The following DIP2C variants were observed in gnomAD, a reference collection of about 807,000 sequenced individuals.
DIP2C encodes disco-interacting protein 2 homolog C.
In DIP2C, 33 loss-of-function variants were observed where a neutral mutation model predicts 192.4. The observed-to-expected ratio is 0.17, with a 90% CI of 0.13 to 0.23. The LOEUF (loss-of-function observed/expected upper bound fraction) is 0.23, where lower values mean the gene tolerates loss of function less well. Among genes scored for constraint, DIP2C ranks in the 10% least tolerant of loss-of-function variants. The pLI is 1.00. For missense variants in DIP2C, 1,537 were observed against 2,110.1 expected (o/e 0.73, Z 5.32); for synonymous variants, 979 against 864.1 (o/e 1.13, Z -2.33).
chr10:314,983 TCTTTA>T (rs1246293251), intron 31 of DIP2C, among the ~76,000 whole-genome samples: 1 of 152,234 alleles, frequency 6.6e-6, no homozygotes, highest in African/African-American at 2.4e-5. Context: ...TGCTGTTGGT[TCTTTA>T]CTTGTCCCTT....
At chr10:387,321 G>A (rs1963040139) in intron 14 of DIP2C, among the ~76,000 whole-genome samples, 2 of 152,202 alleles carry the variant, frequency 1.3e-5, no homozygotes, top group Admixed American at 1.3e-4. Flanking sequence ...CCACGTTAGT[G>A]GACAACCTCG....
At chr10:573,038 C>T (rs1001146365) in intron 1 of DIP2C, among the ~76,000 whole-genome samples, 64 of 152,046 alleles carry the variant, frequency 4.2e-4, no homozygotes, top group African/African-American at 1.2e-3. Context: ...GCATCATCCA[C>T]CCACGAATGA....
chr10:311,634 C>T (rs1956571026), intron 31 of DIP2C: 1 of 1,195,872 alleles, frequency 8.4e-7, no homozygotes, highest in Non-Finnish European at 1.0e-6. Context: ...CCAACACACA[C>T]AACACACACA....
At chr10:435,047 A>G (rs1445793839) in intron 4 of DIP2C, among the ~76,000 whole-genome samples, 1 of 152,146 alleles carries the variant, frequency 6.6e-6, no homozygotes, top group Non-Finnish European at 1.5e-5. Context: ...TAATCTGAGG[A>G]AATTCAGCCA....
At position 574,607 on chromosome 10, in the gene DIP2C, A is replaced by T. The variant is rs886690607; in HGVS notation, c.86-88077T>A. Among the ~76,000 whole-genome samples the T allele has an allele frequency of 2.0e-5, 3 of 152,210 alleles. 1 individual carries two copies. Among genetic ancestry groups the T allele is most frequent in the African/African-American group, 7.2e-5 (3 of 41,450 alleles). ...ATCTTTCTTCTTCATGGGAAAACCG[A>T]AACATACTCAAGAGACCCTGATTCT... On this transcript the variant is annotated intron_variant, in intron 1 of 36. Transcript: ENST00000280886.
chr10:284,420 A>C (rs1046613448), intron 34 of DIP2C, among the ~76,000 whole-genome samples: 3 of 152,228 alleles, frequency 2.0e-5, no homozygotes, highest in Non-Finnish European at 4.4e-5. Context: ...ACTCAGCCAT[A>C]AAAAAGGAGG....
chr10:419,102 G>C lies in DIP2C; in HGVS notation c.702C>G (p.Pro234=), dbSNP rs757809216. The change falls in exon 6 of 37, where the codon CCC becomes CCG. Residue 234 remains proline (P), a synonymous_variant. Transcript: ENST00000280886. The part of the protein sequence containing the change: ...PQGSTGSRTA[P]KYGNAELMET... ...CCATGAGCTCGGCGTTGCCGTACTT[G>C]GGCGCTGTCCGGGACCCCGTGGAAC... is the stretch of plus-strand genomic sequence containing the variant. The C allele has an allele frequency of 1.4e-5, 22 of 1,614,160 alleles. No homozygotes were observed. The South Asian group carries it at 1.9e-4, about 14-fold the overall frequency.
intron 1 of DIP2C, among the ~76,000 whole-genome samples, chr10:551,352 G>A (rs1848576138): frequency 6.6e-6 from 1 of 152,186 alleles, no homozygotes; most frequent in Non-Finnish European, 1.5e-5. Flanking sequence ...GCCAGGGTAG[G>A]GCTTGGAGTT....
chr10:516,222 C>T (rs990457405), intron 1 of DIP2C, among the ~76,000 whole-genome samples: 7 of 138,622 alleles, frequency 5.0e-5, no homozygotes, highest in Admixed American at 2.2e-4. Flanking sequence ...AAGCAGATGA[C>T]AGCTTTTCCA....
At chr10:564,411 C>CA (rs1308463899) in intron 1 of DIP2C, among the ~76,000 whole-genome samples, 3 of 152,192 alleles carry the variant, frequency 2.0e-5, no homozygotes, top group Non-Finnish European at 4.4e-5. Context: ...CACAGGCCTT[C>CA]ACTGCCTGAC....
intron 1 of DIP2C, among the ~76,000 whole-genome samples, chr10:629,259 C>A (rs898818884): frequency 6.6e-6 from 1 of 152,108 alleles, no homozygotes; most frequent in Non-Finnish European, 1.5e-5. Flanking sequence ...CAAGAGGCGG[C>A]TGTGAGGATC....
intron 1 of DIP2C, among the ~76,000 whole-genome samples, chr10:495,872 C>T (rs1333845535): frequency 6.6e-6 from 1 of 151,886 alleles, no homozygotes; most frequent in Non-Finnish European, 1.5e-5. Flanking sequence ...ATGGTGCCCT[C>T]CCGTGTCCTT....
chr10:523,537 C>G (rs1217095694), intron 1 of DIP2C, among the ~76,000 whole-genome samples: 1 of 150,062 alleles, frequency 6.7e-6, no homozygotes, highest in African/African-American at 2.5e-5. Context: ...AGCAAAGGAC[C>G]CTGGAGTGAG....
chr10:426,651 G>C (rs967408062), intron 4 of DIP2C, among the ~76,000 whole-genome samples: 2 of 152,182 alleles, frequency 1.3e-5, no homozygotes, highest in Non-Finnish European at 2.9e-5. Flanking sequence ...CAGAAGAATA[G>C]ATGTATACAT....
At chr10:627,952 G>A (rs947724092) in intron 1 of DIP2C, among the ~76,000 whole-genome samples, 5 of 152,244 alleles carry the variant, frequency 3.3e-5, no homozygotes, top group Admixed American at 1.3e-4. Flanking sequence ...CATCTGTAAC[G>A]ACTTTGCTGT....
chr10:650,874 T>G, intron 1 of DIP2C: 1 of 717,266 alleles, frequency 1.4e-6, no homozygotes, highest in Non-Finnish European at 2.6e-6. Flanking sequence ...TAACACAAAC[T>G]CCCCCTGGGA....
At chr10:566,231 AAC>A (rs766313361) in intron 1 of DIP2C, among the ~76,000 whole-genome samples, 6 of 152,194 alleles carry the variant, frequency 3.9e-5, no homozygotes, top group Non-Finnish European at 7.4e-5. Flanking sequence ...TGTCTGAAGA[AAC>A]AATTTTTTGC....
At chr10:303,192 ACAT>A (rs1288805401) in intron 32 of DIP2C, among the ~76,000 whole-genome samples, 3 of 152,066 alleles carry the variant, frequency 2.0e-5, no homozygotes, top group Non-Finnish European at 4.4e-5. Context: ...GTAAGCTAAG[ACAT>A]CATCCACGTG....
intron 24 of DIP2C, 56 bp from the exon 25 acceptor site, chr10:349,510 A>T: frequency 6.4e-7 from 1 of 1,572,486 alleles, no homozygotes; most frequent in Admixed American, 1.7e-5. Flanking sequence ...AGCAGCTTGC[A>T]GAGAGCGCGC....
Sources: gnomAD v4.1 joint callset for allele counts (sites outside exome capture counted in the v4.1 genomes callset) on GRCh38, gnomAD v4.1.1 for gene constraint, MANE v1.5 for transcripts, NCBI Gene and HGNC (gene_info 2026-07-23, HGNC 2026-07-21) for gene names.